Variants in SLC6A19 observed in about 807,000 individuals in gnomAD.
SLC6A19 encodes the protein sodium-dependent neutral amino acid transporter B(0)AT1.
SLC6A19 carries 67 observed loss-of-function variants against 68.3 expected under a neutral mutation model. The ratio of observed to expected loss-of-function variants is 0.98; its 90% confidence interval spans 0.81 to 1.20. The LOEUF is 1.20. Ranked by LOEUF, SLC6A19 falls within the 50% of genes most tolerant of loss-of-function variation. The pLI is 0.00. For missense variants in SLC6A19, 813 were observed against 851.6 expected (o/e 0.95, Z 0.56); for synonymous variants, 392 against 374.9 (o/e 1.05, Z -0.53).
Position 1,224,401 on chromosome 5 carries a change from T to C in SLC6A19, c.*2497T>C, listed in dbSNP as rs1746486359. On this transcript the variant is annotated 3_prime_UTR_variant, in exon 12 of 12. Transcript: ENST00000304460. The stretch of plus-strand genomic sequence containing the variant: ...AGTATGCTCACCCTAGAAGTTACTG[T>C]TGTCCAGACGTAGAGGGATGAGTGA... 1.3e-5 allele frequency: 2 copies of C among 152,410 alleles called. No individual in the cohort carries two copies. Among genetic ancestry groups the C allele is most frequent in the African/African-American group, 4.8e-5 (2 of 41,606 alleles). The allele number at this position is 152,410 out of a possible 1,614,324, so 9.4% of individuals were successfully genotyped here.
rs370093464 is a variant in SLC6A19, at chr5:1,221,215, C to T, written c.1603C>T (p.Arg535Cys). ...KPNIFWQVTW[R>C]VVSPLLMLII... The stretch of plus-strand genomic sequence containing the variant: ...CAACATCTTCTGGCAAGTCACGTGG[C>T]GCGTGGTCAGCCCCCTGCTCATGCT... Residue 535 changes from arginine to cysteine, a missense_variant, in exon 11 of 12, where the codon CGC becomes TGC. Arg to Cys is a radical substitution (Grantham distance 180). Transcript: ENST00000304460. The T allele has an allele frequency of 2.9e-5, 47 of 1,614,022 alleles. No individual in the cohort carries two copies. The highest frequency in any genetic ancestry group is 1.2e-4 in the African/African-American group (9 of 74,920).
chr5:1,218,984 CTCT>C lies in SLC6A19; in HGVS notation c.1261_1263del (p.Phe421del). ...GCCGTTGTCCCCACTGTGGTCTGTGCTCTTCTTCATTATGCTCTTCTGCCTGGG... is the reference window on the plus strand; with the variant it reads ...GCCGTTGTCCCCACTGTGGTCTGTGCTCTTCATTATGCTCTTCTGCCTGGG... On this transcript the variant is annotated inframe_deletion, in exon 9 of 12. Transcript: ENST00000304460. The C allele has an allele frequency of 6.2e-7, 1 of 1,614,108 alleles. No individual in the cohort carries two copies. The highest frequency in any genetic ancestry group is 8.5e-7 in the Non-Finnish European group (1 of 1,180,032).
In SLC6A19 at chr5:1,221,220, G is replaced by A. The variant is rs764556904; in HGVS notation, c.1608G>A (p.Val536=). The A allele has an allele frequency of 3.1e-6, 5 of 1,614,136 alleles. No individual in the cohort carries two copies. Among genetic ancestry groups the A allele is most frequent in the Non-Finnish European group, 4.2e-6 (5 of 1,180,020 alleles). Reference sequence around the variant, plus strand: ...TCTTCTGGCAAGTCACGTGGCGCGTGGTCAGCCCCCTGCTCATGCTGATCA... The same window carrying A: ...TCTTCTGGCAAGTCACGTGGCGCGTAGTCAGCCCCCTGCTCATGCTGATCA... The part of the protein sequence containing the change: ...PNIFWQVTWR[V]VSPLLMLIIF... The change falls in exon 11 of 12, where the codon GTG becomes GTA. Residue 536 remains valine, a synonymous_variant. Coordinates refer to ENST00000304460, the MANE Select transcript of SLC6A19 (RefSeq NM_001003841.3).
At chr5:1,203,450 C>T (rs1242686218) in intron 1 of SLC6A19, among the ~76,000 whole-genome samples, 1 of 152,104 alleles carries the variant, frequency 6.6e-6, no homozygotes, top group Non-Finnish European at 1.5e-5. Flanking sequence ...GCAGGCAGGC[C>T]CAGGTGAGGA....
rs1393265159 is a variant in SLC6A19 at position 1,212,414 on chromosome 5, T to C, written c.593T>C (p.Leu198Pro). 1 of 1,612,754 alleles carries C rather than the reference T, an allele frequency of 6.2e-7. No homozygotes were observed. The highest frequency in any genetic ancestry group is 8.5e-7 in the Non-Finnish European group (1 of 1,179,924). ...TCGGGCTCCATCCAGTGGTGGATGC[T>C]GCTGTGCCTGGCCTGCGCATGGAGC... ...SDSGSIQWWM[L>P]LCLACAWSVL... Residue 198 changes from leucine to proline, a missense_variant, in exon 4 of 12, where the codon CTG becomes CCG. Physicochemically the swap from Leu to Pro is moderately conservative, Grantham distance 98 (BLOSUM62 -3). Transcript: ENST00000304460. This position sits in a 1 kb window ranked among gnomAD's most constrained non-coding sequence, Gnocchi z 5.1.
chr5:1,213,578 G>A lies in SLC6A19; in HGVS notation c.774+5G>A. 1 of 1,611,288 alleles carries A rather than the reference G, an allele frequency of 6.2e-7. No homozygotes were observed. Among genetic ancestry groups the A allele is most frequent in the Non-Finnish European group, 8.5e-7 (1 of 1,179,146 alleles). The stretch of plus-strand genomic sequence containing the variant: ...GTCTTCCTCTTCACGCCCAACGTAA[G>A]TCCCCGAGGCTGCCCTGGGCCCAGA... On this transcript the variant is annotated splice_donor_5th_base_variant and intron_variant, in intron 5 of 11. Transcript: ENST00000304460.
intron 2 of SLC6A19, 89 bp downstream of exon 2, chr5:1,208,975 C>G: frequency 6.8e-7 from 1 of 1,472,168 alleles, no homozygotes; most frequent in African/African-American, 1.4e-5. Flanking sequence ...GCCTTGCCGG[C>G]CTCGGTGCCC....
At position 1,202,696 on chromosome 5, in the gene SLC6A19, G is replaced by T. The variant is rs1215722270; in HGVS notation, c.202+844G>T. On this transcript the variant is annotated intron_variant, in intron 1 of 11. Coordinates refer to ENST00000304460, the MANE Select transcript of SLC6A19 (RefSeq NM_001003841.3). ...CTGCCCTGGGGCAGTTCACGGGGGG[G>T]CCGTGAAGGTCTCAGCCTCCGTTTA... is the stretch of plus-strand genomic sequence containing the variant. Among the ~76,000 whole-genome samples, 4 of 148,546 alleles carry T rather than the reference G, an allele frequency of 2.7e-5. No homozygotes were observed. The East Asian group carries it at 8.0e-4, about 30-fold the overall frequency.
chr5:1,202,778 T>C (rs1745752314), intron 1 of SLC6A19, among the ~76,000 whole-genome samples: 1 of 152,184 alleles, frequency 6.6e-6, no homozygotes, highest in African/African-American at 2.4e-5. Flanking sequence ...CTGCTGTCTC[T>C]CACGCGGGCT....
At chr5:1,221,107 G>A in intron 10 of SLC6A19, 44 bp from the exon 11 acceptor site, 1 of 1,604,064 alleles carries the variant, frequency 6.2e-7, no homozygotes, top group Non-Finnish European at 8.5e-7. Context: ...GCGAGTTGAA[G>A]CCCAGCTGGT....
chr5:1,213,909 C>T (rs1579514132), intron 5 of SLC6A19, 44 bp from the exon 6 acceptor site: 2 of 1,609,402 alleles, frequency 1.2e-6, no homozygotes, highest in Non-Finnish European at 1.7e-6. Context: ...GTCCCCATGG[C>T]CCCATCTGCA....
chr5:1,211,615 C>T (rs1001645980), intron 3 of SLC6A19, among the ~76,000 whole-genome samples: 40 of 152,116 alleles, frequency 2.6e-4, no homozygotes, highest in African/African-American at 9.2e-4. Context: ...TGCAAGGGTA[C>T]AGCTGTGCAT....
Position 1,222,176 on chromosome 5 carries a change from G to C in SLC6A19, c.*272G>C. The C allele has an allele frequency of 1.7e-6, 1 of 596,886 alleles. No individual in the cohort carries two copies. Among genetic ancestry groups the C allele is most frequent in the South Asian group, 2.0e-5 (1 of 49,860 alleles). The allele number at this position is 596,886 out of a possible 1,614,324, so 37.0% of individuals were successfully genotyped here. A position where few individuals can be genotyped will look rare whatever the true frequency, so the allele number is the denominator to read the frequency against. Reference sequence around the variant, plus strand: ...TGTATGTGCATGTGCCATGTGTGCAGATGTGTCATGTTGTGTGTGTGCATG... The same window carrying C: ...TGTATGTGCATGTGCCATGTGTGCACATGTGTCATGTTGTGTGTGTGCATG... On this transcript the variant is annotated 3_prime_UTR_variant, in exon 12 of 12. Transcript: ENST00000304460.
At chr5:1,210,703 G>T in intron 3 of SLC6A19, 122 bp downstream of exon 3, 1 of 1,426,388 alleles carries the variant, frequency 7.0e-7, no homozygotes. Context: ...CAAGGCAACA[G>T]GGTGTCAAAA....
chr5:1,216,624 C>T lies in SLC6A19; in HGVS notation c.954C>T (p.Ala318=). ...ACGGCTTCACATCGGTGTATGTGGC[C>T]ATCGTGGTCTACTCCGTCATTGGGT... The part of the protein sequence containing the change: ...IINGFTSVYV[A]IVVYSVIGFR... The change falls in exon 7 of 12, where the codon GCC becomes GCT. Residue 318 remains alanine, a synonymous_variant. Coordinates refer to ENST00000304460, the MANE Select transcript of SLC6A19 (RefSeq NM_001003841.3). 1 of 1,614,104 alleles carries T rather than the reference C, an allele frequency of 6.2e-7. No homozygotes were observed. Among genetic ancestry groups the T allele is most frequent in the East Asian group, 2.2e-5 (1 of 44,872 alleles).
chr5:1,219,564 T>C lies in SLC6A19; in HGVS notation c.1438T>C (p.Tyr480His). Residue 480 changes from tyrosine (Y) to histidine (H), a missense_variant, in exon 10 of 12, where the codon TAC becomes CAC. Physicochemically the swap from Tyr to His is moderately conservative, Grantham distance 83 (BLOSUM62 2). Coordinates refer to ENST00000304460, the MANE Select transcript of SLC6A19 (RefSeq NM_001003841.3). Reference protein sequence around the residue: ...GFIFTLNSGQYWLSLLDSYAG... With the variant: ...GFIFTLNSGQHWLSLLDSYAG... ...CATCTTCACGCTGAACTCCGGCCAG[T>C]ACTGGCTCTCCCTGCTGGACAGCTA... The C allele has an allele frequency of 1.9e-6, 3 of 1,612,390 alleles. No homozygotes were observed. Among genetic ancestry groups the C allele is most frequent in the Non-Finnish European group, 2.5e-6 (3 of 1,180,042 alleles).
rs190631924 is a variant in SLC6A19 at position 1,201,745 on chromosome 5, G to T, written c.95G>T (p.Arg32Leu). Residue 32 changes from arginine to leucine, a missense_variant, in exon 1 of 12, where the codon CGG (arginine) becomes CTG (leucine). Transcript: ENST00000304460. ...ATCGAGCAGGAGGAGGCCAGCTCCC[G>T]GCCGAAGTGGGACAACAAGGCGCAG... ...ETIEQEEASS[R>L]PKWDNKAQYM... is the part of the protein sequence containing the mutation. The T allele has an allele frequency of 3.7e-6, 6 of 1,612,588 alleles. No homozygotes were observed. The South Asian group carries it at 5.5e-5, about 15-fold the overall frequency.
chr5:1,221,641 C>G, intron 11 of SLC6A19, 60 bp from the exon 12 acceptor site: 3 of 1,604,000 alleles, frequency 1.9e-6, no homozygotes, highest in Non-Finnish European at 2.6e-6. Flanking sequence ...GGGCCTTTGC[C>G]TCAAAGTGAA....
At chr5:1,221,427 GCACA>G in intron 11 of SLC6A19, 114 bp downstream of exon 11, 1 of 1,330,806 alleles carries the variant, frequency 7.5e-7, no homozygotes. Flanking sequence ...ACACACATGG[GCACA>G]CACACTCACA....
Sources: allele counts gnomAD v4.1 joint callset (sites outside exome capture counted in the v4.1 genomes callset), GRCh38; gene constraint gnomAD v4.1.1; non-coding constraint Gnocchi (gnomAD v3.1); transcripts MANE v1.5; gene names NCBI Gene and HGNC (gene_info 2026-07-23, HGNC 2026-07-21).